The following ZRANB3 variants were observed in gnomAD, a reference collection of about 807,000 sequenced individuals.
ZRANB3 encodes the protein DNA annealing helicase and endonuclease ZRANB3.
Under a neutral mutation model 133.8 loss-of-function variants are expected in ZRANB3, and 125 were observed. The observed-to-expected ratio is 0.93, with a 90% CI of 0.81 to 1.08. The LOEUF is 1.08. ZRANB3 is among the 50% of genes least tolerant of loss of function. The pLI, the probability that ZRANB3 is intolerant of heterozygous loss-of-function variation, is 0.00. For missense variants in ZRANB3, 1,229 were observed against 1,275.5 expected (o/e 0.96, Z 0.56); for synonymous variants, 387 against 432.7 (o/e 0.89, Z 1.31).
chr2:135,284,706 C>T (rs1229354187), intron 8 of ZRANB3, among the ~76,000 whole-genome samples: 5 of 152,098 alleles, frequency 3.3e-5, no homozygotes, highest in African/African-American at 1.2e-4. Context: ...CTCTTGACCT[C>T]GTGATCCACC....
chr2:135,412,662 G>A (rs1015148163), intron 2 of ZRANB3, among the ~76,000 whole-genome samples: 5 of 151,888 alleles, frequency 3.3e-5, no homozygotes, highest in African/African-American at 1.2e-4. Context: ...GGCTCAGTGG[G>A]AATTATTATA....
intron 2 of ZRANB3, among the ~76,000 whole-genome samples, chr2:135,433,779 G>A (rs1490066628): frequency 2.6e-5 from 4 of 152,164 alleles, no homozygotes; most frequent in East Asian, 3.9e-4. Context: ...AGCGGATCAC[G>A]AGGTCAGGAG....
chr2:135,461,850 T>C (rs1278043540), intron 2 of ZRANB3, among the ~76,000 whole-genome samples: 1 of 152,200 alleles, frequency 6.6e-6, no homozygotes, highest in East Asian at 1.9e-4. Flanking sequence ...GAAAATATAG[T>C]ATACGTCTGA....
chr2:135,385,411 A>C (rs975876888), intron 3 of ZRANB3, among the ~76,000 whole-genome samples: 1 of 152,224 alleles, frequency 6.6e-6, no homozygotes, highest in African/African-American at 2.4e-5. Context: ...AAATGCCCAT[A>C]CTGCCCAAGG....
intron 12 of ZRANB3, among the ~76,000 whole-genome samples, chr2:135,241,783 A>C (rs1695563157): frequency 6.6e-6 from 1 of 152,212 alleles, no homozygotes; most frequent in Admixed American, 6.5e-5. Context: ...ACATTAGAAG[A>C]CCAAAAAAGA....
At chr2:135,207,929 G>GAT (rs1693947881) in intron 18 of ZRANB3, 93 bp from the exon 19 acceptor site, 2 of 1,214,742 alleles carry the variant, frequency 1.6e-6, no homozygotes, top group East Asian at 5.0e-5. Context: ...TTTCAATACG[G>GAT]ATAAATAGTA....
At chr2:135,262,159 C>CAAAAAAAAAAAAAAAAAAAAAAA in intron 12 of ZRANB3, among the ~76,000 whole-genome samples, 1 of 63,968 alleles carries the variant, frequency 1.6e-5, no homozygotes, top group Non-Finnish European at 3.5e-5. Flanking sequence ...ACTCCATCTC[C>CAAAAAAAAAAAAAAAAAAAAAAA]AAAAAAAAAA....
intron 2 of ZRANB3, among the ~76,000 whole-genome samples, chr2:135,483,970 TGA>T: frequency 6.6e-6 from 1 of 152,336 alleles, no homozygotes; most frequent in African/African-American, 2.4e-5. Context: ...CACTGTGGTC[TGA>T]GAGAGAGTTT....
intron 5 of ZRANB3, among the ~76,000 whole-genome samples, chr2:135,349,576 AG>A (rs1685098659): frequency 6.6e-6 from 1 of 152,210 alleles, no homozygotes. Context: ...TTAAAGTGAA[AG>A]AAGAACAGAC....
chr2:135,479,462 C>G (rs868425985), intron 2 of ZRANB3, among the ~76,000 whole-genome samples: 3 of 152,048 alleles, frequency 2.0e-5, no homozygotes, highest in Non-Finnish European at 4.4e-5. Context: ...TGGTGAAACC[C>G]CCATCTCTAC....
chr2:135,438,630 C>T (rs751083633), intron 2 of ZRANB3, among the ~76,000 whole-genome samples: 3 of 152,104 alleles, frequency 2.0e-5, no homozygotes, highest in Non-Finnish European at 4.4e-5. Flanking sequence ...CTTCTCACCT[C>T]AAGTCCCAAT....
chr2:135,436,603 G>A (rs1455903023), intron 2 of ZRANB3, among the ~76,000 whole-genome samples: 1 of 152,114 alleles, frequency 6.6e-6, no homozygotes, highest in Non-Finnish European at 1.5e-5. Flanking sequence ...ACTGCTCAAA[G>A]AGATCAGAGA....
At chr2:135,412,238 G>T (rs1216065956) in intron 2 of ZRANB3, among the ~76,000 whole-genome samples, 1 of 151,946 alleles carries the variant, frequency 6.6e-6, no homozygotes, top group Non-Finnish European at 1.5e-5. Flanking sequence ...ATTAAATATG[G>T]GCTAGACATG....
At chr2:135,307,098 ACT>A (rs1682744938) in intron 8 of ZRANB3, among the ~76,000 whole-genome samples, 1 of 152,024 alleles carries the variant, frequency 6.6e-6, no homozygotes, top group African/African-American at 2.4e-5. Flanking sequence ...GGTCTCACTT[ACT>A]CTGTTGTCCA....
chr2:135,283,417 T>C (rs758579605), intron 8 of ZRANB3, among the ~76,000 whole-genome samples: 3 of 152,120 alleles, frequency 2.0e-5, no homozygotes, highest in Non-Finnish European at 2.9e-5. Context: ...GAGACCATCC[T>C]GGCTAACATG....
intron 12 of ZRANB3, among the ~76,000 whole-genome samples, chr2:135,233,227 C>T (rs1573724061): frequency 3.3e-5 from 5 of 151,778 alleles, no homozygotes. Flanking sequence ...ATGAAGCGAG[C>T]AGAGAAATTT....
At chr2:135,384,561 T>C (rs968550093) in intron 3 of ZRANB3, among the ~76,000 whole-genome samples, 1 of 152,186 alleles carries the variant, frequency 6.6e-6, no homozygotes, top group South Asian at 2.1e-4. Flanking sequence ...TCTAGACCAA[T>C]ATCCCTGATG....
intron 3 of ZRANB3, among the ~76,000 whole-genome samples, chr2:135,357,712 A>G (rs1476361760): frequency 2.0e-5 from 3 of 152,192 alleles, no homozygotes; most frequent in African/African-American, 7.2e-5. Flanking sequence ...ATGCCCAGCC[A>G]AAAAAATAAG....
At chr2:135,291,658 A>G (rs1004566171) in intron 8 of ZRANB3, among the ~76,000 whole-genome samples, 1 of 151,480 alleles carries the variant, frequency 6.6e-6, no homozygotes, top group African/African-American at 2.4e-5. Flanking sequence ...GGTTTGTTAC[A>G]TATGTACACA....
Sources: allele counts gnomAD v4.1 joint callset (sites outside exome capture counted in the v4.1 genomes callset), GRCh38; gene constraint gnomAD v4.1.1; transcripts MANE v1.5; gene names NCBI Gene and HGNC (gene_info 2026-07-23, HGNC 2026-07-21).